BMAL1: variants seen among roughly 807,000 people sequenced by gnomAD.
BMAL1 encodes basic helix-loop-helix ARNT like 1.
At chr11:13,297,112 A>G in the BMAL1 span, among the ~76,000 whole-genome samples, 2 of 152,222 alleles carry the variant, frequency 1.3e-5, no homozygotes, top group Non-Finnish European at 2.9e-5. Context: ...ATTTTATTAA[A>G]AAAATAAGTT....
At chr11:13,354,200 G>GCCCCCCCCCCCCAA in the BMAL1 span, 10 of 364,712 alleles carry the variant, frequency 2.7e-5, no homozygotes, top group South Asian at 1.0e-4. Flanking sequence ...TCCCCCCCCG[G>GCCCCCCCCCCCCAA]CCCCCCACCA....
the BMAL1 span, chr11:13,374,003 C>T: frequency 1.8e-6 from 2 of 1,130,930 alleles, no homozygotes; most frequent in Non-Finnish European, 2.6e-6. Flanking sequence ...ACCTTGCTCT[C>T]ATAGGCTGTA....
chr11:13,354,010 G>A, the BMAL1 span, among the ~76,000 whole-genome samples: 2 of 152,132 alleles, frequency 1.3e-5, no homozygotes, highest in East Asian at 1.9e-4. Context: ...CACAGGGACC[G>A]AGAAGCTGCT....
chr11:13,313,841 C>T, the BMAL1 span, among the ~76,000 whole-genome samples: 4 of 152,158 alleles, frequency 2.6e-5, no homozygotes, highest in African/African-American at 9.7e-5. Context: ...TCAGCGGGGC[C>T]TGCAGTCTTC....
the BMAL1 span, chr11:13,358,592 G>A: frequency 6.3e-7 from 1 of 1,591,722 alleles, no homozygotes; most frequent in Non-Finnish European, 8.5e-7. Context: ...ACATTAAGAG[G>A]TGAGACCCTG....
the BMAL1 span, among the ~76,000 whole-genome samples, chr11:13,362,168 T>C: frequency 2.6e-5 from 4 of 152,160 alleles, no homozygotes; most frequent in South Asian, 8.3e-4. Context: ...CACAACCCAA[T>C]ATAGTGCTTC....
At chr11:13,360,225 T>C in the BMAL1 span, 28 of 822,248 alleles carry the variant, frequency 3.4e-5, no homozygotes, top group Non-Finnish European at 5.2e-5. Flanking sequence ...GCCTAAACAA[T>C]AAAATTTAAA....
At chr11:13,373,779 G>C in the BMAL1 span, among the ~76,000 whole-genome samples, 1 of 152,208 alleles carries the variant, frequency 6.6e-6, no homozygotes, top group Non-Finnish European at 1.5e-5. Context: ...AAAGTGCTGG[G>C]ATGACAGGCA....
At chr11:13,284,118 A>G in the BMAL1 span, among the ~76,000 whole-genome samples, 6 of 95,122 alleles carry the variant, frequency 6.3e-5, no homozygotes, top group African/African-American at 2.7e-4. Context: ...GTGTATATAT[A>G]TGTGTGTGTG....
the BMAL1 span, among the ~76,000 whole-genome samples, chr11:13,287,844 A>G: frequency 6.6e-6 from 1 of 152,360 alleles, no homozygotes. Context: ...TAGGCATAGT[A>G]CTACACATGT....
At chr11:13,311,781 G>A in the BMAL1 span, among the ~76,000 whole-genome samples, 194 of 152,240 alleles carry the variant, frequency 1.3e-3, no homozygotes, top group African/African-American at 4.5e-3. Context: ...TGTGGTGTTC[G>A]TAACTCTGCC....
chr11:13,324,945 C>G, the BMAL1 span, among the ~76,000 whole-genome samples: 2 of 152,110 alleles, frequency 1.3e-5, no homozygotes, highest in African/African-American at 4.8e-5. Context: ...AGGAGGGAGG[C>G]AGCAGAATTA....
At chr11:13,360,567 T>G in the BMAL1 span, 1 of 695,268 alleles carries the variant, frequency 1.4e-6, no homozygotes, top group Middle Eastern at 3.3e-4. Context: ...CTTTATCTTA[T>G]TGTTTGGACA....
the BMAL1 span, among the ~76,000 whole-genome samples, chr11:13,326,863 A>C: frequency 6.6e-6 from 1 of 151,702 alleles, no homozygotes; most frequent in Non-Finnish European, 1.5e-5. Context: ...TCTGTCGCCC[A>C]GGCTGGAGTG....
chr11:13,370,618 C>T, the BMAL1 span, among the ~76,000 whole-genome samples: 19 of 152,288 alleles, frequency 1.2e-4, no homozygotes, highest in Non-Finnish European at 7.4e-5. Context: ...TGCAAAAGTT[C>T]TCTGAAATGT....
At chr11:13,331,253 A>G in the BMAL1 span, among the ~76,000 whole-genome samples, 1 of 152,238 alleles carries the variant, frequency 6.6e-6, no homozygotes, top group Non-Finnish European at 1.5e-5. Flanking sequence ...GGTAGAGAAA[A>G]TGAGAGTGGG....
chr11:13,371,474 T>G, the BMAL1 span, among the ~76,000 whole-genome samples: 28 of 152,226 alleles, frequency 1.8e-4, no homozygotes, highest in African/African-American at 6.8e-4. Flanking sequence ...TCAGTCCTCC[T>G]AATCTCTTGC....
At chr11:13,376,690 C>G in the BMAL1 span, 1 of 1,613,976 alleles carries the variant, frequency 6.2e-7, no homozygotes, top group Non-Finnish European at 8.5e-7. Flanking sequence ...CTCACAGCAT[C>G]CCCCCACAGC....
chr11:13,346,703 C>T, the BMAL1 span, among the ~76,000 whole-genome samples: 1 of 152,176 alleles, frequency 6.6e-6, no homozygotes, highest in African/African-American at 2.4e-5. Flanking sequence ...TGCGCAAGTC[C>T]CTCCATGCCC....
Sources: allele counts gnomAD v4.1 joint callset (sites outside exome capture counted in the v4.1 genomes callset), GRCh38; gene constraint gnomAD v4.1.1; transcripts MANE v1.5; gene names NCBI Gene and HGNC (gene_info 2026-07-23, HGNC 2026-07-21).